EDC3: variants seen among roughly 807,000 people sequenced by gnomAD.
EDC3 encodes the protein enhancer of mRNA decapping 3, also known as enhancer of mRNA-decapping protein 3.
Under a neutral mutation model 41.8 loss-of-function variants are expected in EDC3, and 20 were observed. The ratio of observed to expected loss-of-function variants is 0.48; its 90% confidence interval spans 0.34 to 0.70. The LOEUF is 0.70. EDC3 is among the 30% of genes least tolerant of loss of function. EDC3 has a pLI of 0.01. For missense variants in EDC3, 444 were observed against 636.8 expected, an observed-to-expected ratio of 0.70 and a Z score of 3.26; for synonymous variants, 206 against 243.2, an observed-to-expected ratio of 0.85 and a Z score of 1.42.
At position 74,671,805 on chromosome 15, in the gene EDC3, A is replaced by C. The variant is rs1596323618; in HGVS notation, c.165-31T>G. 3 of 1,596,902 alleles carry C rather than the reference A, an allele frequency of 1.9e-6. No homozygotes were observed. The East Asian group carries it at 6.7e-5, about 36-fold the overall frequency. On this transcript the variant is annotated intron_variant, in intron 2 of 6. Coordinates refer to ENST00000315127, the MANE Select transcript of EDC3 (RefSeq NM_025083.5). This position sits in a 1 kb window ranked among gnomAD's most constrained non-coding sequence, Gnocchi z 4.6. ...ATACACAAAAAAGCCAAGTCTCAAA[A>C]TTATAATAGTGGTAAGAATGATGAA...
At chr15:74,683,396 G>A (rs1286921831) in intron 1 of EDC3, among the ~76,000 whole-genome samples, 3 of 152,076 alleles carry the variant, frequency 2.0e-5, no homozygotes, top group African/African-American at 7.2e-5. Context: ...TTAGCCCGGC[G>A]TGGTGGCAAG....
intron 1 of EDC3, among the ~76,000 whole-genome samples, chr15:74,692,243 T>G (rs1054989689): frequency 3.3e-5 from 5 of 152,078 alleles, no homozygotes; most frequent in African/African-American, 1.2e-4. Context: ...TAGGATAAAA[T>G]TCTGTGGGAA....
chr15:74,636,836 G>A (rs1440996536), intron 5 of EDC3: 1 of 152,248 alleles, frequency 6.6e-6, no homozygotes, highest in Non-Finnish European at 1.5e-5. Flanking sequence ...GGATGCTGCA[G>A]AGTTGTGGAA....
At chr15:74,640,896 A>G (rs899135794) in intron 4 of EDC3, 1 of 437,704 alleles carries the variant, frequency 2.3e-6, no homozygotes, top group Non-Finnish European at 4.2e-6. Context: ...GGCCAAATCT[A>G]CCAGGATATA....
chr15:74,640,820 G>C lies in EDC3; in HGVS notation c.821-201C>G, dbSNP rs1212766208. 8 of 622,844 alleles carry C rather than the reference G, an allele frequency of 1.3e-5. No individual in the cohort carries two copies. In the East Asian group the frequency reaches 2.3e-4, roughly 18 times the overall value. 38.6% of individuals were successfully genotyped at this position (622,844 alleles called of 1,614,324 possible). ...TGACTGGTGAACCAAGTAACAACTT[G>C]TTCCAGGTCACCACAGAGTGGGGAC... is the stretch of plus-strand genomic sequence containing the variant. On this transcript the variant is annotated intron_variant, in intron 4 of 6. Transcript: ENST00000315127.
chr15:74,662,864 G>A (rs1422263917), intron 3 of EDC3, among the ~76,000 whole-genome samples: 1 of 152,080 alleles, frequency 6.6e-6, no homozygotes, highest in Non-Finnish European at 1.5e-5. Context: ...AACAGGTAGA[G>A]GCACAAAAAC....
intron 1 of EDC3, among the ~76,000 whole-genome samples, chr15:74,686,081 C>G (rs1475798501): frequency 6.6e-6 from 1 of 151,894 alleles, no homozygotes; most frequent in East Asian, 1.9e-4. Context: ...AATCCCAGCA[C>G]TTTGGAAGGC....
At position 74,635,540 on chromosome 15, in the gene EDC3, C is replaced by A. The variant is rs1164232273; in HGVS notation, c.1061G>T (p.Gly354Val). ...HVKGAQGISC[G>V]RHLANHDVQV... ...GACATCATGGTTGGCTAGGTGCCTT[C>A]CACAGCTGATACCCTGAGCCCCCTT... Residue 354 changes from glycine to valine, a missense_variant, in exon 6 of 7, where the codon GGA (glycine) becomes GTA (valine). Physicochemically the swap from Gly to Val is moderately radical, Grantham distance 109. Around this residue, in one of 3 missense-constraint regions of EDC3, gnomAD observed 242 missense variants for 363.8 expected, o/e 0.67. Coordinates refer to ENST00000315127, the MANE Select transcript of EDC3 (RefSeq NM_025083.5). 6.2e-7 allele frequency: 1 copy of A among 1,614,136 alleles called. No homozygotes were observed. Among genetic ancestry groups the A allele is most frequent in the Non-Finnish European group, 8.5e-7 (1 of 1,180,042 alleles).
intron 1 of EDC3, among the ~76,000 whole-genome samples, chr15:74,681,781 A>G (rs1344155353): frequency 1.3e-5 from 2 of 152,224 alleles, no homozygotes; most frequent in Non-Finnish European, 2.9e-5. Flanking sequence ...TAAATGTAAA[A>G]CATCAAACTC....
intron 4 of EDC3, among the ~76,000 whole-genome samples, chr15:74,652,167 G>T (rs2062488302): frequency 6.6e-6 from 1 of 151,774 alleles, no homozygotes; most frequent in South Asian, 2.1e-4. Context: ...TCTAACCATT[G>T]TAAGTTGGAG....
At chr15:74,654,654 A>G (rs931835472) in intron 4 of EDC3, among the ~76,000 whole-genome samples, 1 of 152,012 alleles carries the variant, frequency 6.6e-6, no homozygotes, top group Non-Finnish European at 1.5e-5. Flanking sequence ...AGACTGACAC[A>G]GTTCAGCAGC....
chr15:74,658,623 T>TG (rs1362215015), intron 3 of EDC3, among the ~76,000 whole-genome samples: 1 of 86,260 alleles, frequency 1.2e-5, no homozygotes, highest in South Asian at 3.9e-4. Flanking sequence ...TTTACGTCTC[T>TG]GAAAAAAAAA....
At chr15:74,639,094 C>T (rs1037781579) in intron 5 of EDC3, 8 of 152,138 alleles carry the variant, frequency 5.3e-5, no homozygotes, top group African/African-American at 1.9e-4. Context: ...GTCCACTTTT[C>T]TGATCCCTGC....
chr15:74,678,738 A>C (rs751570864), intron 1 of EDC3, among the ~76,000 whole-genome samples: 3 of 151,616 alleles, frequency 2.0e-5, no homozygotes, highest in Non-Finnish European at 4.4e-5. Context: ...AAAAATACAA[A>C]AATTAGCCAG....
chr15:74,655,830 G>A lies in EDC3; in HGVS notation c.723C>T (p.Pro241=), dbSNP rs2141615336. 1 of 1,614,074 alleles carries A rather than the reference G, an allele frequency of 6.2e-7. No homozygotes were observed. The highest frequency in any genetic ancestry group is 8.5e-7 in the Non-Finnish European group (1 of 1,180,012). ...TGTTCTCATCATGGCGGTACCGAGT[G>A]GGCCTTTCATTTGGGATGCCCCGGG... ...TRSRGIPNER[P]TRYRHDENIL... is the part of the protein sequence containing the mutation. Residue 241 remains proline, a synonymous_variant, in exon 4 of 7, where the codon CCC becomes CCT. Coordinates refer to ENST00000315127, the MANE Select transcript of EDC3 (RefSeq NM_025083.5).
intron 6 of EDC3, 84 bp from the exon 7 acceptor site, chr15:74,633,030 G>T: frequency 7.1e-7 from 1 of 1,405,896 alleles, no homozygotes; most frequent in South Asian, 1.3e-5. Flanking sequence ...TCACCCCAAG[G>T]GTGTCTTTGT....
At chr15:74,652,179 A>G in intron 4 of EDC3, among the ~76,000 whole-genome samples, 1 of 151,924 alleles carries the variant, frequency 6.6e-6, no homozygotes. Context: ...AAGTTGGAGG[A>G]TCATCTGTAG....
At chr15:74,635,928 T>G in intron 5 of EDC3, 2 of 384,310 alleles carry the variant, frequency 5.2e-6, no homozygotes, top group Non-Finnish European at 4.8e-6. Context: ...CACTTAATAG[T>G]TCCTCTGCAG....
intron 4 of EDC3, chr15:74,642,035 C>T (rs1163242130): frequency 6.6e-6 from 1 of 152,216 alleles, no homozygotes; most frequent in Non-Finnish European, 1.5e-5. Context: ...GGAGAAATCT[C>T]TTGAGGTTAT....
Sources: allele counts gnomAD v4.1 joint callset (sites outside exome capture counted in the v4.1 genomes callset), GRCh38; gene constraint gnomAD v4.1.1; regional missense constraint gnomAD v4.1.1; non-coding constraint Gnocchi (gnomAD v3.1); transcripts MANE v1.5; gene names NCBI Gene and HGNC (gene_info 2026-07-23, HGNC 2026-07-21).